The following HSPG2 variants were observed in gnomAD, a reference collection of about 807,000 sequenced individuals.
HSPG2 encodes the protein basement membrane-specific heparan sulfate proteoglycan core protein.
A neutral mutation model predicts 526.6 loss-of-function variants in HSPG2; 278 were observed. That is an observed-to-expected ratio of 0.53 (90% CI 0.48 to 0.58). The LOEUF is 0.58. HSPG2 is among the 20% of genes least tolerant of loss of function. The pLI is 0.00. For missense variants in HSPG2, 5,354 were observed against 6,099.5 expected (o/e 0.88, Z 4.07); for synonymous variants, 2,465 against 2,555.4 (o/e 0.96, Z 1.07).
chr1:21,840,125 T>C lies in HSPG2; in HGVS notation c.9514-108A>G. 3.5e-6 allele frequency: 3 copies of C among 865,032 alleles called. No homozygotes were observed. The South Asian group carries it at 4.0e-5, about 12-fold the overall frequency. The allele number at this position is 865,032 out of a possible 1,614,324, so 53.6% of individuals were successfully genotyped here. ...ATTTCCTCTACCCTGCCTTGGTATC[T>C]ATTTATTTACTTATTTATATATTTA... On this transcript the variant is annotated intron_variant, in intron 71 of 96. Coordinates refer to ENST00000374695, the MANE Select transcript of HSPG2 (RefSeq NM_005529.7).
intron 91 of HSPG2, among the ~76,000 whole-genome samples, chr1:21,825,840 C>T (rs937290118): frequency 6.6e-6 from 1 of 152,178 alleles, no homozygotes; most frequent in Non-Finnish European, 1.5e-5. Context: ...GGCTGGAGTG[C>T]AGTGGCACAA....
At chr1:21,885,259 G>A in intron 10 of HSPG2, 61 bp downstream of exon 10, 4 of 1,612,062 alleles carry the variant, frequency 2.5e-6, no homozygotes, top group Non-Finnish European at 3.4e-6. Flanking sequence ...GGCTGAGGCT[G>A]TGGACAGAAC....
Position 21,854,429 on chromosome 1 carries a change from T to G in HSPG2, c.6289-86A>C, listed in dbSNP as rs939069374. 9.9e-6 allele frequency: 15 copies of G among 1,507,600 alleles called. No individual in the cohort carries two copies. The East Asian group carries it at 3.5e-4, about 35-fold the overall frequency. 93.4% of individuals were successfully genotyped at this position (1,507,600 alleles called of 1,614,324 possible). A position where few individuals can be genotyped will look rare whatever the true frequency, so the allele number is the denominator to read the frequency against. On this transcript the variant is annotated intron_variant, in intron 49 of 96. Transcript: ENST00000374695. The stretch of plus-strand genomic sequence containing the variant: ...CTCAGCCTCAGTGATTCATTCAAAC[T>G]CTCACTGGCTCTGCTCCGAGCCATC...
Position 21,880,818 on chromosome 1 carries a change from GC to G in HSPG2, c.1835del (p.Gly612AlafsTer46). 6.3e-7 allele frequency: 1 copy of G among 1,592,754 alleles called. No homozygotes were observed. The highest frequency in any genetic ancestry group is 8.5e-7 in the Non-Finnish European group (1 of 1,170,940). ...FLGNKVDSYG[G>X]SLRYNVRYEL... Reference sequence around the variant, plus strand: ...CGTAGCGCACGTTGTAACGCAGGGAGCCGCCATAGGAGTCCACCTGGCACAA... The same window carrying G: ...CGTAGCGCACGTTGTAACGCAGGGAGCGCCATAGGAGTCCACCTGGCACAA... On this transcript the variant is annotated frameshift_variant, in exon 15 of 97. Transcript: ENST00000374695. LOFTEE classifies it high-confidence loss of function.
At chr1:21,905,173 A>ACC (rs1643308735) in intron 1 of HSPG2, among the ~76,000 whole-genome samples, 4 of 75,384 alleles carry the variant, frequency 5.3e-5, no homozygotes, top group African/African-American at 1.2e-4. Context: ...CCACCCACCC[A>ACC]CACACACACA....
rs1642045396 is a variant in HSPG2, at chr1:21,887,798, C to G, written c.704-124G>C. On this transcript the variant is annotated intron_variant, in intron 7 of 96. Coordinates refer to ENST00000374695, the MANE Select transcript of HSPG2 (RefSeq NM_005529.7). This position sits in a 1 kb window ranked among gnomAD's most constrained non-coding sequence, Gnocchi z 5.0. The stretch of plus-strand genomic sequence containing the variant: ...CCACTCCCTGCCACCCCCTGCCTGG[C>G]TCTGTCATCACCCTTCCTATGCCCC... The G allele has an allele frequency of 7.7e-6, 12 of 1,556,776 alleles. No individual in the cohort carries two copies. The East Asian group carries it at 2.5e-4, about 32-fold the overall frequency.
At chr1:21,894,244 G>T (rs569970175) in intron 3 of HSPG2, among the ~76,000 whole-genome samples, 55 of 152,218 alleles carry the variant, frequency 3.6e-4, no homozygotes, top group African/African-American at 1.3e-3. Flanking sequence ...CCAGGGGGAG[G>T]AGGGGAAGAG....
rs751543625 is a variant in HSPG2, at chr1:21,834,733, T to C, written c.10666A>G (p.Thr3556Ala). 1 of 1,614,138 alleles carries C rather than the reference T, an allele frequency of 6.2e-7. No individual in the cohort carries two copies. The highest frequency in any genetic ancestry group is 1.7e-5 in the Admixed American group (1 of 60,014). Reference protein sequence around the residue: ...ELADAGQYRCTATNAAGTTQS... With the variant: ...ELADAGQYRCAATNAAGTTQS... ...GTGGTGCCAGCTGCGTTGGTGGCAG[T>C]GCAGCGATACTGTCCCGCATCAGCC... Residue 3556 changes from threonine to alanine, a missense_variant, in exon 77 of 97, where the codon ACT (threonine) becomes GCT (alanine). Coordinates refer to ENST00000374695, the MANE Select transcript of HSPG2 (RefSeq NM_005529.7).
chr1:21,929,719 A>T (rs908730909), intron 1 of HSPG2, among the ~76,000 whole-genome samples: 10 of 151,894 alleles, frequency 6.6e-5, no homozygotes, highest in Non-Finnish European at 1.3e-4. Context: ...CATCTCAGGT[A>T]GTGGCAGCTC....
rs752060920 is a variant in HSPG2, at chr1:21,876,312, C to T, written c.2920G>A (p.Gly974Arg). The T allele has an allele frequency of 1.1e-5, 17 of 1,613,890 alleles. No homozygotes were observed. Among genetic ancestry groups the T allele is most frequent in the East Asian group, 6.7e-5 (3 of 44,872 alleles). ...TNEGIFSPTP[G>R]ELGFSSFHRL... ...TGGAAGGAGGAGAATCCCAGTTCCC[C>T]GGGCGTGGGGGAGAAGATGCCCTCG... Residue 974 changes from glycine to arginine, a missense_variant, in exon 23 of 97, where the codon GGG (glycine) becomes AGG (arginine). Coordinates refer to ENST00000374695, the MANE Select transcript of HSPG2 (RefSeq NM_005529.7).
chr1:21,856,955 A>G (rs1325226057), intron 44 of HSPG2, 60 bp downstream of exon 44: 3 of 1,527,216 alleles, frequency 2.0e-6, no homozygotes, highest in African/African-American at 1.4e-5. Flanking sequence ...TGCTGTGCTA[A>G]TTCTGGTGGG....
chr1:21,924,049 G>A (rs778445612), intron 1 of HSPG2, among the ~76,000 whole-genome samples: 5 of 152,306 alleles, frequency 3.3e-5, no homozygotes, highest in Admixed American at 6.5e-5. Context: ...GACAGAGCAC[G>A]GCAGGAGAGA....
At chr1:21,844,333 T>G in intron 64 of HSPG2, 34 bp from the exon 65 acceptor site, 4 of 1,598,094 alleles carry the variant, frequency 2.5e-6, no homozygotes, top group Non-Finnish European at 3.4e-6. Context: ...TGAGCTGAGA[T>G]GCCACCCTGA....
In HSPG2 at chr1:21,873,793, T is replaced by C. The variant is rs557244312; in HGVS notation, c.3743+132A>G. Reference sequence around the variant, plus strand: ...TCCCGAGGAGGGGAGCTGACTGTCTTCTGGGGCCTGTGCGAGGTTAAGAGC... The same window carrying C: ...TCCCGAGGAGGGGAGCTGACTGTCTCCTGGGGCCTGTGCGAGGTTAAGAGC... On this transcript the variant is annotated intron_variant, in intron 29 of 96. Coordinates refer to ENST00000374695, the MANE Select transcript of HSPG2 (RefSeq NM_005529.7). 388 of 749,654 alleles carry C rather than the reference T, an allele frequency of 5.2e-4. 4 individuals carry two copies. Among genetic ancestry groups the C allele is most frequent in the South Asian group, 2.1e-3 (115 of 55,482 alleles). The allele number at this position is 749,654 out of a possible 1,614,324, so 46.4% of individuals were successfully genotyped here.
In HSPG2 at chr1:21,846,202, T is replaced by G. The variant is rs1158003508; in HGVS notation, c.8370A>C (p.Glu2790Asp). Reference protein sequence around the residue: ...LHHVSPADSGEYVCRVMGSSG... With the variant: ...LHHVSPADSGDYVCRVMGSSG... The stretch of plus-strand genomic sequence containing the variant: ...AGCTGCCCATCACCCGGCACACGTA[T>G]TCACCCGAGTCGGCCGGGGACACAT... Residue 2790 changes from glutamate to aspartate, a missense_variant, in exon 64 of 97, where the codon GAA (glutamate) becomes GAC (aspartate). Glu to Asp is a conservative substitution (Grantham distance 45, BLOSUM62 2). Transcript: ENST00000374695. 1 of 1,612,972 alleles carries G rather than the reference T, an allele frequency of 6.2e-7. No homozygotes were observed. Among genetic ancestry groups the G allele is most frequent in the Admixed American group, 1.7e-5 (1 of 60,006 alleles).
rs1335338737 is a variant in HSPG2 at position 21,843,364 on chromosome 1, T to G, written c.8691A>C (p.Gly2897=). ...DSGEYSCQVT[G]SSGTLEASVL... is the part of the protein sequence containing the mutation. Reference sequence around the variant, plus strand: ...CAGATGCCTCCAGGGTGCCTGAGCTTCCGGTCACTTGGCACGAGTACTCGC... The same window carrying G: ...CAGATGCCTCCAGGGTGCCTGAGCTGCCGGTCACTTGGCACGAGTACTCGC... Residue 2897 remains glycine (G), a synonymous_variant, in exon 66 of 97, where the codon GGA becomes GGC. Transcript: ENST00000374695. The G allele has an allele frequency of 6.2e-7, 1 of 1,613,982 alleles. No homozygotes were observed. Among genetic ancestry groups the G allele is most frequent in the East Asian group, 2.2e-5 (1 of 44,876 alleles).
chr1:21,854,523 G>T (rs1402385259), intron 49 of HSPG2, 88 bp downstream of exon 49: 7 of 1,469,642 alleles, frequency 4.8e-6, no homozygotes, highest in Non-Finnish European at 5.5e-6. Flanking sequence ...GGGGCAGTGT[G>T]CCGCCTCCCC....
chr1:21,867,148 G>T (rs1640305885), intron 33 of HSPG2, among the ~76,000 whole-genome samples: 1 of 141,674 alleles, frequency 7.1e-6, no homozygotes. Flanking sequence ...TAGAGATGGG[G>T]TCTCCCTATG....
Position 21,849,950 on chromosome 1 carries a change from T to C in HSPG2, c.7446+91A>G, listed in dbSNP as rs183672404. 180 of 1,523,410 alleles carry C rather than the reference T, an allele frequency of 1.2e-4. No homozygotes were observed. The East Asian group carries it at 2.9e-3, about 24-fold the overall frequency. The allele number at this position is 1,523,410 out of a possible 1,614,324, so 94.4% of individuals were successfully genotyped here. Reference sequence around the variant, plus strand: ...GCCTTGGCCTCCCAAAGTGCCGGGATTACAGGCGTGAGCCACTGCGCCCGG... The same window carrying C: ...GCCTTGGCCTCCCAAAGTGCCGGGACTACAGGCGTGAGCCACTGCGCCCGG... On this transcript the variant is annotated intron_variant, in intron 57 of 96. Transcript: ENST00000374695.
Sources: gnomAD v4.1 joint callset for allele counts (sites outside exome capture counted in the v4.1 genomes callset) on GRCh38, gnomAD v4.1.1 for gene constraint, Gnocchi (gnomAD v3.1) non-coding constraint, MANE v1.5 for transcripts, NCBI Gene and HGNC (gene_info 2026-07-23, HGNC 2026-07-21) for gene names.